Variants in RCOR1 observed in about 807,000 individuals in gnomAD.
RCOR1 encodes the protein REST corepressor.
A neutral mutation model predicts 64.0 loss-of-function variants in RCOR1; 12 were observed. The ratio of observed to expected loss-of-function variants is 0.19; its 90% CI spans 0.12 to 0.30. The LOEUF is 0.30. Among genes scored for constraint, RCOR1 ranks in the 10% least tolerant of loss-of-function variants. The probability of loss-of-function intolerance (pLI) is 1.00; values close to 1 mark genes in which losing one functional copy is unlikely to be tolerated. For missense variants in RCOR1, 502 were observed against 621.2 expected, an observed-to-expected ratio of 0.81 and a Z score of 2.04; for synonymous variants, 279 against 227.2, an observed-to-expected ratio of 1.23 and a Z score of -2.05.
intron 4 of RCOR1, among the ~76,000 whole-genome samples, chr14:102,706,114 C>CAAAAAAAAAAAAAAAAAAAAAAAAA (rs71119732): frequency 9.4e-5 from 2 of 21,334 alleles, no homozygotes; most frequent in African/African-American, 4.9e-4. Flanking sequence ...AACCCTGTCT[C>CAAAAAAAAAAAAAAAAAAAAAAAAA]AAAAAAAAAA....
intron 2 of RCOR1, among the ~76,000 whole-genome samples, chr14:102,631,303 C>T (rs917157819): frequency 3.1e-4 from 47 of 151,500 alleles, no homozygotes; most frequent in Middle Eastern, 3.4e-3. Flanking sequence ...CCCAGGTTCA[C>T]GCCGTTCTCC....
chr14:102,659,145 T>A (rs1035644952), intron 2 of RCOR1: 18 of 985,258 alleles, frequency 1.8e-5, no homozygotes, highest in Non-Finnish European at 2.0e-5. Context: ...CTTACTGGAC[T>A]TTTTATTTGA....
chr14:102,662,643 C>A, intron 2 of RCOR1: 1 of 448,890 alleles, frequency 2.2e-6, no homozygotes, highest in Admixed American at 2.7e-5. Flanking sequence ...TCTTGGCCTT[C>A]ACAGCCTTTG....
intron 2 of RCOR1, among the ~76,000 whole-genome samples, chr14:102,602,013 G>A (rs559355591): frequency 6.6e-6 from 1 of 152,172 alleles, no homozygotes; most frequent in East Asian, 1.9e-4. Flanking sequence ...ATAAAAATTA[G>A]CTGGGTGTGG....
chr14:102,680,017 TTAA>T (rs1187895141), intron 2 of RCOR1, among the ~76,000 whole-genome samples: 3 of 152,218 alleles, frequency 2.0e-5, no homozygotes, highest in Admixed American at 6.5e-5. Context: ...GAATGCCTTC[TTAA>T]TAATAAGTCT....
intron 2 of RCOR1, among the ~76,000 whole-genome samples, chr14:102,663,225 G>GC (rs1437409166): frequency 2.0e-5 from 3 of 152,154 alleles, no homozygotes; most frequent in Non-Finnish European, 2.9e-5. Flanking sequence ...TGACTGTGAG[G>GC]CTTCCCCAGC....
intron 3 of RCOR1, among the ~76,000 whole-genome samples, chr14:102,683,131 C>T (rs974417557): frequency 6.6e-6 from 1 of 152,062 alleles, no homozygotes; most frequent in African/African-American, 2.4e-5. Context: ...GATTTTTAAA[C>T]AGTGGTGTTG....
At chr14:102,687,696 TG>T (rs1241978046) in intron 3 of RCOR1, among the ~76,000 whole-genome samples, 5 of 152,146 alleles carry the variant, frequency 3.3e-5, no homozygotes, top group African/African-American at 1.2e-4. Flanking sequence ...ATCTGGAGGG[TG>T]GCAGACTGAG....
intron 3 of RCOR1, among the ~76,000 whole-genome samples, chr14:102,683,931 T>C (rs1895358340): frequency 6.6e-6 from 1 of 152,208 alleles, no homozygotes; most frequent in Non-Finnish European, 1.5e-5. Flanking sequence ...GCAGCCGAGG[T>C]GGGGCTGGCA....
chr14:102,626,752 C>T (rs1032945932), intron 2 of RCOR1, among the ~76,000 whole-genome samples: 12 of 152,210 alleles, frequency 7.9e-5, no homozygotes, highest in African/African-American at 2.9e-4. Flanking sequence ...AGGCTGAGTT[C>T]ATATGATCCT....
At chr14:102,653,556 G>GA (rs1894636738) in intron 2 of RCOR1, among the ~76,000 whole-genome samples, 1 of 152,132 alleles carries the variant, frequency 6.6e-6, no homozygotes, top group Non-Finnish European at 1.5e-5. Context: ...GTTGTGGTTT[G>GA]AATCTGTGTC....
At chr14:102,673,826 G>C (rs1895083443) in intron 2 of RCOR1, among the ~76,000 whole-genome samples, 1 of 151,308 alleles carries the variant, frequency 6.6e-6, no homozygotes, top group Non-Finnish European at 1.5e-5. Context: ...TGTTGCTCAG[G>C]CTGGTCTCGA....
intron 3 of RCOR1, among the ~76,000 whole-genome samples, chr14:102,695,169 C>T (rs1200477474): frequency 6.6e-6 from 1 of 152,136 alleles, no homozygotes; most frequent in African/African-American, 2.4e-5. Flanking sequence ...TAGGGCATTT[C>T]GTTCATTGAA....
intron 2 of RCOR1, among the ~76,000 whole-genome samples, chr14:102,600,492 C>T (rs1158648246): frequency 6.6e-6 from 1 of 152,134 alleles, no homozygotes; most frequent in African/African-American, 2.4e-5. Context: ...ACCTCTGTCT[C>T]CCAGGTTCAA....
At chr14:102,725,984 G>T (rs769449300) in intron 11 of RCOR1, among the ~76,000 whole-genome samples, 2 of 152,176 alleles carry the variant, frequency 1.3e-5, no homozygotes, top group South Asian at 4.1e-4. Flanking sequence ...ACATATTGGG[G>T]TTTGAGGCCA....
In RCOR1 at chr14:102,729,157, T is replaced by C. The variant is rs118166758; in HGVS notation, c.*2651T>C. ...TAAGTATAAGTTATTGTGCAAAATA[T>C]AGTGTCATTGATGCAAATAATAGTT... On this transcript the variant is annotated 3_prime_UTR_variant, in exon 12 of 12. Coordinates refer to ENST00000262241, the MANE Select transcript of RCOR1 (RefSeq NM_015156.4). 1,560 of 152,804 alleles carry C rather than the reference T, an allele frequency of 0.01. 16 individuals carry two copies. Among genetic ancestry groups the C allele is most frequent in the Admixed American group, 0.015 (235 of 15,308 alleles). The allele number at this position is 152,804 out of a possible 1,614,324, so 9.5% of individuals were successfully genotyped here. A position where few individuals can be genotyped will look rare whatever the true frequency, so the allele number is the denominator to read the frequency against.
intron 4 of RCOR1, 26 bp from the exon 5 acceptor site, chr14:102,707,325 A>T (rs766791456): frequency 7.0e-5 from 109 of 1,554,208 alleles, no homozygotes; most frequent in Non-Finnish European, 9.3e-5. Flanking sequence ...GTTTGATCTA[A>T]AATTTTACTG....
chr14:102,695,973 A>T lies in RCOR1; in HGVS notation c.446-5305A>T, dbSNP rs1039594584. On this transcript the variant is annotated intron_variant, in intron 3 of 11. Transcript: ENST00000262241. ...GATAATGGAACTATCAGAGAAGATT[A>T]AAAAAAAGATTGTAAAGAGCTTAAA... 4.6e-5 allele frequency among the ~76,000 whole-genome samples: 7 copies of T among 152,002 alleles called. No homozygotes were observed. The East Asian group carries it at 7.7e-4, about 17-fold the overall frequency.
intron 2 of RCOR1, among the ~76,000 whole-genome samples, chr14:102,632,655 TTTCC>T (rs1567415158): frequency 3.0e-5 from 2 of 66,038 alleles, no homozygotes; most frequent in African/African-American, 4.5e-5. Context: ...TTTCCTTTCC[TTTCC>T]TTTCCTTTCC....
Sources: gnomAD v4.1 joint callset for allele counts (sites outside exome capture counted in the v4.1 genomes callset) on GRCh38, gnomAD v4.1.1 for gene constraint, MANE v1.5 for transcripts, NCBI Gene and HGNC (gene_info 2026-07-23, HGNC 2026-07-21) for gene names.